AOAH: variants seen among roughly 807,000 people sequenced by gnomAD.
AOAH encodes acyloxyacyl hydrolase.
AOAH carries 64 observed loss-of-function variants against 92.2 expected under a neutral mutation model. The observed-to-expected ratio is 0.69, with a 90% CI of 0.57 to 0.86. AOAH has a LOEUF of 0.86. Ranked by LOEUF, AOAH falls within the 40% of genes least tolerant of loss-of-function variation. The pLI is 0.00. For missense variants in AOAH, 656 were observed against 694.6 expected (o/e 0.94, Z 0.62); for synonymous variants, 263 against 254.5 (o/e 1.03, Z -0.32).
At chr7:36,671,617 G>A (rs1349671254) in intron 3 of AOAH, among the ~76,000 whole-genome samples, 1 of 151,462 alleles carries the variant, frequency 6.6e-6, no homozygotes, top group Admixed American at 6.6e-5. Flanking sequence ...GTATGTGTGT[G>A]TGCGTGTGTG....
At chr7:36,716,268 A>G (rs1016427897) in intron 1 of AOAH, among the ~76,000 whole-genome samples, 5 of 151,914 alleles carry the variant, frequency 3.3e-5, no homozygotes, top group African/African-American at 9.7e-5. Context: ...CAAAACCACA[A>G]TGAGATACCA....
intron 1 of AOAH, among the ~76,000 whole-genome samples, chr7:36,713,065 G>A (rs1038068743): frequency 1.3e-5 from 2 of 152,196 alleles, no homozygotes; most frequent in Non-Finnish European, 1.5e-5. Flanking sequence ...AGACCCATCA[G>A]TGTGCTGTAT....
At chr7:36,519,632 G>C (rs1285210643) in intron 20 of AOAH, among the ~76,000 whole-genome samples, 1 of 152,206 alleles carries the variant, frequency 6.6e-6, no homozygotes, top group Non-Finnish European at 1.5e-5. Flanking sequence ...GTTTCTGCAT[G>C]TTGGTCAGGC....
At chr7:36,605,944 T>G (rs1417482831) in intron 11 of AOAH, among the ~76,000 whole-genome samples, 4 of 152,216 alleles carry the variant, frequency 2.6e-5, no homozygotes, top group Non-Finnish European at 5.9e-5. Flanking sequence ...TAACTAGGAT[T>G]GAGGTTTCTC....
chr7:36,581,309 A>G (rs118112479), intron 12 of AOAH, among the ~76,000 whole-genome samples: 252 of 152,234 alleles, frequency 1.7e-3, no homozygotes, highest in Non-Finnish European at 3.1e-3. Context: ...CTAGCTTCCA[A>G]CGTTTTGTGG....
At chr7:36,538,008 CTTT>C (rs200856759) in intron 16 of AOAH, among the ~76,000 whole-genome samples, 31 of 127,854 alleles carry the variant, frequency 2.4e-4, no homozygotes, top group Middle Eastern at 4.3e-3. Context: ...TTCGTACATT[CTTT>C]TTTTTTTTTT....
chr7:36,618,430 A>C lies in AOAH; in HGVS notation c.703-85T>G. On this transcript the variant is annotated intron_variant, in intron 9 of 20. Coordinates refer to ENST00000617537, the MANE Select transcript of AOAH (RefSeq NM_001637.4). ...TAAAGCTCTCCTAAATGGCTTTAAA[A>C]GCACAAAGGCAAATGAGTAGATAAA... 3.2e-6 allele frequency: 4 copies of C among 1,241,062 alleles called. No individual in the cohort carries two copies. The East Asian group carries it at 9.3e-5, about 29-fold the overall frequency. The allele number at this position is 1,241,062 out of a possible 1,614,324, so 76.9% of individuals were successfully genotyped here. A position where few individuals can be genotyped will look rare whatever the true frequency, so the allele number is the denominator to read the frequency against.
chr7:36,566,572 A>G (rs989753301), intron 13 of AOAH, among the ~76,000 whole-genome samples: 2 of 152,168 alleles, frequency 1.3e-5, no homozygotes, highest in East Asian at 3.9e-4. Context: ...TCAGGTGACC[A>G]TCTCTCTAAA....
chr7:36,605,742 G>A (rs563464874), intron 11 of AOAH, among the ~76,000 whole-genome samples: 11 of 152,128 alleles, frequency 7.2e-5, no homozygotes, highest in African/African-American at 1.4e-4. Context: ...GGTGAGAGAC[G>A]CAGATTCTCA....
intron 13 of AOAH, among the ~76,000 whole-genome samples, chr7:36,555,975 C>A (rs963472176): frequency 5.3e-5 from 8 of 152,072 alleles, no homozygotes; most frequent in African/African-American, 1.9e-4. Context: ...TTTTGTGTCT[C>A]TATTTCCTTC....
At chr7:36,683,910 C>T (rs1019604750) in intron 2 of AOAH, among the ~76,000 whole-genome samples, 3 of 151,916 alleles carry the variant, frequency 2.0e-5, no homozygotes, top group Admixed American at 6.6e-5. Context: ...AGGAGAATCA[C>T]TTGAACAAGG....
intron 11 of AOAH, among the ~76,000 whole-genome samples, chr7:36,610,707 T>C (rs1482482944): frequency 6.6e-6 from 1 of 152,192 alleles, no homozygotes; most frequent in Non-Finnish European, 1.5e-5. Context: ...CTCTCTTCCT[T>C]CTCCCACTCT....
At chr7:36,600,610 G>A (rs1052559773) in intron 11 of AOAH, among the ~76,000 whole-genome samples, 1 of 152,038 alleles carries the variant, frequency 6.6e-6, no homozygotes, top group African/African-American at 2.4e-5. Context: ...TGGGATTTGA[G>A]CCCAGGTTCT....
intron 12 of AOAH, among the ~76,000 whole-genome samples, chr7:36,580,229 C>T (rs916620999): frequency 6.6e-6 from 1 of 152,162 alleles, no homozygotes; most frequent in Non-Finnish European, 1.5e-5. Flanking sequence ...GTCATCTGAA[C>T]CGGTCTTGTA....
chr7:36,532,326 A>G lies in AOAH; in HGVS notation c.1325T>C (p.Met442Thr). The G allele has an allele frequency of 6.2e-7, 1 of 1,613,956 alleles. No individual in the cohort carries two copies. The highest frequency in any genetic ancestry group is 8.5e-7 in the Non-Finnish European group (1 of 1,180,010). The change falls in exon 17 of 21, where the codon ATG (methionine) becomes ACG (threonine). Residue 442 changes from methionine to threonine, a missense_variant. Coordinates refer to ENST00000617537, the MANE Select transcript of AOAH (RefSeq NM_001637.4). ...YHPLGQLNKDMTYAQLYSFLN... is the reference protein window; with the variant it reads ...YHPLGQLNKDTTYAQLYSFLN... ...GAAGGAGTACAACTGCGCATAGGTC[A>G]TGTCTTTATTTAGCTGGCCTGGAAA...
At chr7:36,613,081 C>A (rs1215893444) in intron 11 of AOAH, among the ~76,000 whole-genome samples, 1 of 151,966 alleles carries the variant, frequency 6.6e-6, no homozygotes, top group Non-Finnish European at 1.5e-5. Context: ...TGGAGTATTT[C>A]TTAAAATAAT....
At chr7:36,581,918 T>C (rs1788954539) in intron 12 of AOAH, among the ~76,000 whole-genome samples, 1 of 152,204 alleles carries the variant, frequency 6.6e-6, no homozygotes, top group African/African-American at 2.4e-5. Flanking sequence ...ATCTCTCTTA[T>C]ATATTTTAGG....
chr7:36,574,876 T>C (rs895519460), intron 13 of AOAH, among the ~76,000 whole-genome samples: 1 of 152,106 alleles, frequency 6.6e-6, no homozygotes, highest in Non-Finnish European at 1.5e-5. Context: ...CTTTGAAAAA[T>C]GTGGTAGAAA....
chr7:36,683,845 T>G (rs907451259), intron 2 of AOAH, among the ~76,000 whole-genome samples: 1 of 152,126 alleles, frequency 6.6e-6, no homozygotes, highest in African/African-American at 2.4e-5. Context: ...GCAACTCAAA[T>G]TAGCCGGGTG....
Sources: allele counts gnomAD v4.1 joint callset (sites outside exome capture counted in the v4.1 genomes callset), GRCh38; gene constraint gnomAD v4.1.1; transcripts MANE v1.5; gene names NCBI Gene and HGNC (gene_info 2026-07-23, HGNC 2026-07-21).